Variants in ZNF618 observed in about 807,000 individuals in gnomAD.
The protein encoded by ZNF618 is neural precursor cell expressed, developmentally down-regulated 10.
A neutral mutation model predicts 103.0 loss-of-function variants in ZNF618; 34 were observed. The ratio of observed to expected loss-of-function variants is 0.33; its 90% confidence interval spans 0.25 to 0.44. The LOEUF is 0.44. ZNF618 is among the 20% of genes least tolerant of loss of function. The pLI, the probability that ZNF618 is intolerant of heterozygous loss-of-function variation, is 1.00. For synonymous variants in ZNF618, 551 were observed against 542.2 expected, an observed-to-expected ratio of 1.02 and a Z score of -0.23; for missense variants, 1,059 against 1,295.4, an observed-to-expected ratio of 0.82 and a Z score of 2.80.
chr9:114,004,555 G>A (rs1386346263), intron 6 of ZNF618, among the ~76,000 whole-genome samples: 2 of 152,246 alleles, frequency 1.3e-5, no homozygotes, highest in East Asian at 1.9e-4. Flanking sequence ...CTTGCTGGTT[G>A]CTGACGGCTC....
chr9:114,016,844 C>T (rs757193676), intron 10 of ZNF618, 60 bp downstream of exon 10: 20 of 1,382,938 alleles, frequency 1.4e-5, no homozygotes, highest in African/African-American at 1.0e-4. Flanking sequence ...GTGGGCCAGC[C>T]GTTGGCCAGG....
At chr9:114,042,839 AAAT>A (rs1197369681) in intron 13 of ZNF618, among the ~76,000 whole-genome samples, 1 of 152,170 alleles carries the variant, frequency 6.6e-6, no homozygotes, top group Non-Finnish European at 1.5e-5. Flanking sequence ...TAAAATATAA[AAAT>A]AATATTACCA....
At chr9:113,970,227 C>CTT (rs142590030) in intron 2 of ZNF618, among the ~76,000 whole-genome samples, 1 of 150,908 alleles carries the variant, frequency 6.6e-6, no homozygotes, top group Non-Finnish European at 1.5e-5. Flanking sequence ...TATGGGACCC[C>CTT]TTTTTTTTTG....
chr9:113,939,549 A>T (rs559218950), intron 1 of ZNF618, among the ~76,000 whole-genome samples: 1 of 152,294 alleles, frequency 6.6e-6, no homozygotes, highest in East Asian at 1.9e-4. Flanking sequence ...CACGATTTAG[A>T]AAACATAGAT....
In ZNF618 at chr9:113,997,927, T is replaced by G. The variant is rs527698900; in HGVS notation, c.338-332T>G. On this transcript the variant is annotated intron_variant, in intron 3 of 14. Transcript: ENST00000374126. ...ACAGGCCAGGGGGATGCATGGACAC[T>G]GCACCCGTGGGGCACATGTCCTTGG... 1.6e-4 allele frequency among the ~76,000 whole-genome samples: 24 copies of G among 152,360 alleles called. No homozygotes were observed. The South Asian group carries it at 4.6e-3, about 29-fold the overall frequency.
Position 113,877,375 on chromosome 9 carries a change from T to C in ZNF618, c.33+962T>C, listed in dbSNP as rs1198527115. Among the ~76,000 whole-genome samples, 3 of 152,292 alleles carry C rather than the reference T, an allele frequency of 2.0e-5. No individual in the cohort carries two copies. In the East Asian group the frequency reaches 5.8e-4, roughly 29 times the overall value. ...GAAGCAATTAGAAATTGTACTTCATTGTAATTTGGAACTTGTTTAGCTCAG... is the reference window on the plus strand; with the variant it reads ...GAAGCAATTAGAAATTGTACTTCATCGTAATTTGGAACTTGTTTAGCTCAG... On this transcript the variant is annotated intron_variant, in intron 1 of 14. Coordinates refer to ENST00000374126, the MANE Select transcript of ZNF618 (RefSeq NM_001318042.2).
At position 114,042,271 on chromosome 9, in the gene ZNF618, C is replaced by T. The variant is rs369639462; in HGVS notation, c.1247-5622C>T. On this transcript the variant is annotated intron_variant, in intron 13 of 14. Coordinates refer to ENST00000374126, the MANE Select transcript of ZNF618 (RefSeq NM_001318042.2). ...CTTTACAGTTTATTTTAAAATATGA[C>T]TTACAGAGATATAATTTACTAGACA... 2.6e-4 allele frequency among the ~76,000 whole-genome samples: 40 copies of T among 152,262 alleles called. 1 individual carries two copies. The East Asian group carries it at 6.8e-3, about 26-fold the overall frequency.
At position 114,049,421 on chromosome 9, in the gene ZNF618, C is replaced by A. The variant is rs368835232; in HGVS notation, c.2119C>A (p.Arg707Ser). 6.2e-7 allele frequency: 1 copy of A among 1,603,454 alleles called. No homozygotes were observed. The highest frequency in any genetic ancestry group is 1.7e-5 in the Admixed American group (1 of 57,974). The change falls in exon 15 of 15, where the codon CGC becomes AGC. Residue 707 changes from arginine to serine, a missense_variant. Arg to Ser is a moderately radical substitution (Grantham distance 110, BLOSUM62 -1). Transcript: ENST00000374126. ...VTDSLLLVHE[R>S]YEQICEFYSR... ...GGACTCACTGTTGCTGGTGCATGAGCGCTATGAGCAGATCTGCGAGTTCTA... is the reference window on the plus strand; with the variant it reads ...GGACTCACTGTTGCTGGTGCATGAGAGCTATGAGCAGATCTGCGAGTTCTA...
chr9:113,878,255 G>A (rs1254278580), intron 1 of ZNF618, among the ~76,000 whole-genome samples: 1 of 151,772 alleles, frequency 6.6e-6, no homozygotes, highest in African/African-American at 2.4e-5. Flanking sequence ...GCAAAAAGGA[G>A]ATGAAAATTC....
rs762749297 is a variant in ZNF618, at chr9:114,032,731, G to C, written c.1168+3G>C. On this transcript the variant is annotated splice_donor_region_variant and intron_variant, in intron 12 of 14. Coordinates refer to ENST00000374126, the MANE Select transcript of ZNF618 (RefSeq NM_001318042.2). ...CAGCAGTTCGCAGAACTCCAGCGGT[G>C]AGTGTGCCCCTTGACAGCCATCCTG... 11 of 1,613,984 alleles carry C rather than the reference G, an allele frequency of 6.8e-6. No homozygotes were observed. The highest frequency in any genetic ancestry group is 9.3e-6 in the Non-Finnish European group (11 of 1,179,840).
intron 10 of ZNF618, 87 bp downstream of exon 10, chr9:114,016,871 A>G (rs1345685077): frequency 9.3e-7 from 1 of 1,070,368 alleles, no homozygotes; most frequent in African/African-American, 1.6e-5. Context: ...GAATTTGGCC[A>G]GGAAATGGTG....
chr9:114,027,449 C>T (rs987409709), intron 10 of ZNF618, among the ~76,000 whole-genome samples: 2 of 152,206 alleles, frequency 1.3e-5, no homozygotes, highest in African/African-American at 2.4e-5. Context: ...TGACCCTCCA[C>T]GGGGGAGAAT....
Position 114,049,936 on chromosome 9 carries a change from G to A in ZNF618, c.2634G>A (p.Leu878=), listed in dbSNP as rs778398176. Residue 878 remains leucine, a synonymous_variant, in exon 15 of 15, where the codon CTG becomes CTA. Coordinates refer to ENST00000374126, the MANE Select transcript of ZNF618 (RefSeq NM_001318042.2). Reference sequence around the variant, plus strand: ...GCAAAAATGAAGTGTACGATTACCTGCAGGAGCCCCTCTTCCAGGCTACCC... The same window carrying A: ...GCAAAAATGAAGTGTACGATTACCTACAGGAGCCCCTCTTCCAGGCTACCC... ...RLGKNEVYDY[L]QEPLFQATPD... 1 of 1,613,918 alleles carries A rather than the reference G, an allele frequency of 6.2e-7. No individual in the cohort carries two copies. The highest frequency in any genetic ancestry group is 2.2e-5 in the East Asian group (1 of 44,874).
intron 1 of ZNF618, among the ~76,000 whole-genome samples, chr9:113,935,005 G>A (rs1262452139): frequency 6.6e-6 from 1 of 152,234 alleles, no homozygotes; most frequent in Non-Finnish European, 1.5e-5. Flanking sequence ...AAGCCTGGCT[G>A]TCCCCAGGTG....
intron 1 of ZNF618, among the ~76,000 whole-genome samples, chr9:113,917,707 C>T (rs1285321511): frequency 6.6e-6 from 1 of 152,148 alleles, no homozygotes; most frequent in Non-Finnish European, 1.5e-5. Flanking sequence ...CTTCCCACCT[C>T]TCTTTCCCAA....
At position 114,002,065 on chromosome 9, in the gene ZNF618, C is replaced by G. The variant is rs762284790; in HGVS notation, c.503C>G (p.Ala168Gly). The G allele has an allele frequency of 5.6e-6, 9 of 1,612,854 alleles. No homozygotes were observed. Among genetic ancestry groups the G allele is most frequent in the Admixed American group, 5.0e-5 (3 of 60,006 alleles). Residue 168 changes from alanine to glycine, a missense_variant, in exon 5 of 15, where the codon GCG (alanine) becomes GGG (glycine). Physicochemically the swap from Ala to Gly is moderately conservative, Grantham distance 60. Around this residue, in one of 6 missense-constraint regions of ZNF618, gnomAD observed 434 missense variants for 476.0 expected, o/e 0.91. Coordinates refer to ENST00000374126, the MANE Select transcript of ZNF618 (RefSeq NM_001318042.2). Reference sequence around the variant, plus strand: ...AACTGCTTCCAGACCCACGTGCGGGCGCACCGAGGTGAGAGGAGTGTCCCT... The same window carrying G: ...AACTGCTTCCAGACCCACGTGCGGGGGCACCGAGGTGAGAGGAGTGTCCCT... Reference protein sequence around the residue: ...YYNCFQTHVRAHRDTEATSGE... With the variant: ...YYNCFQTHVRGHRDTEATSGE...
intron 1 of ZNF618, among the ~76,000 whole-genome samples, chr9:113,956,267 G>C (rs1836287570): frequency 1.4e-5 from 2 of 146,722 alleles, no homozygotes; most frequent in African/African-American, 5.0e-5. Context: ...ATTAGAGGGG[G>C]CAAGCATGCT....
chr9:113,937,084 A>C (rs1438944018), intron 1 of ZNF618, among the ~76,000 whole-genome samples: 1 of 152,192 alleles, frequency 6.6e-6, no homozygotes, highest in Admixed American at 6.5e-5. Context: ...TATGGATGAA[A>C]CCATAACTAT....
chr9:114,016,197 T>G (rs1564301832), intron 9 of ZNF618: 1 of 1,609,514 alleles, frequency 6.2e-7, no homozygotes, highest in Non-Finnish European at 8.5e-7. Context: ...GGGTGGGACT[T>G]GAGAGGAAGA....
Sources: allele counts gnomAD v4.1 joint callset (sites outside exome capture counted in the v4.1 genomes callset), GRCh38; gene constraint gnomAD v4.1.1; regional missense constraint gnomAD v4.1.1; transcripts MANE v1.5; gene names NCBI Gene and HGNC (gene_info 2026-07-23, HGNC 2026-07-21).